Variants in SLC6A2 observed in about 807,000 individuals in gnomAD.
SLC6A2 encodes the protein solute carrier family 6 member 2.
Under a neutral mutation model 71.7 loss-of-function variants are expected in SLC6A2, and 26 were observed. That is an observed-to-expected ratio of 0.36 (90% CI 0.27 to 0.50). SLC6A2 has a LOEUF of 0.50. Among genes scored for constraint, SLC6A2 ranks in the 20% least tolerant of loss-of-function variants. The probability of loss-of-function intolerance (pLI) is 0.96; values close to 1 mark genes in which losing one functional copy is unlikely to be tolerated. For missense variants in SLC6A2, 581 were observed against 803.9 expected, an observed-to-expected ratio of 0.72 and a Z score of 3.35; for synonymous variants, 363 against 337.9, an observed-to-expected ratio of 1.07 and a Z score of -0.82.
intron 4 of SLC6A2, among the ~76,000 whole-genome samples, chr16:55,679,273 G>A (rs1462780428): frequency 1.3e-5 from 2 of 151,124 alleles, no homozygotes; most frequent in South Asian, 2.1e-4. Flanking sequence ...TGTCACCCAG[G>A]CTGGAGGGCA....
chr16:55,658,856 A>C (rs1183459444), intron 2 of SLC6A2, among the ~76,000 whole-genome samples: 1 of 152,100 alleles, frequency 6.6e-6, no homozygotes, highest in Non-Finnish European at 1.5e-5. Context: ...AGAAAAGGAG[A>C]AGCTAATCCA....
Position 55,702,514 on chromosome 16 carries a change from C to T in SLC6A2, c.*168C>T. On this transcript the variant is annotated 3_prime_UTR_variant, in exon 15 of 15. Transcript: ENST00000568943. ...TGATTTCGTGACTGTAGTTTTTGTT[C>T]ACCTTCTGTGCATCTGGCCTGGGGG... is the stretch of plus-strand genomic sequence containing the variant. 2 of 1,523,480 alleles carry T rather than the reference C, an allele frequency of 1.3e-6. No individual in the cohort carries two copies. Among genetic ancestry groups the T allele is most frequent in the Non-Finnish European group, 1.8e-6 (2 of 1,132,714 alleles). 94.4% of individuals were successfully genotyped at this position (1,523,480 alleles called of 1,614,324 possible).
chr16:55,702,589 C>G lies in SLC6A2; in HGVS notation c.*243C>G. The G allele has an allele frequency of 7.0e-7, 1 of 1,419,190 alleles. No individual in the cohort carries two copies. Among genetic ancestry groups the G allele is most frequent in the Non-Finnish European group, 9.2e-7 (1 of 1,087,604 alleles). 87.9% of individuals were successfully genotyped at this position (1,419,190 alleles called of 1,614,324 possible). A position where few individuals can be genotyped will look rare whatever the true frequency, so the allele number is the denominator to read the frequency against. The stretch of plus-strand genomic sequence containing the variant: ...AACAGGAAAATGACTTCTGTTCTGT[C>G]CCCGCTGTTTTGGGGGAAGTCTCTC... On this transcript the variant is annotated 3_prime_UTR_variant, in exon 15 of 15. Transcript: ENST00000568943.
At position 55,666,132 on chromosome 16, in the gene SLC6A2, C is replaced by T. The variant is rs145649245; in HGVS notation, c.275-3433C>T. Among the ~76,000 whole-genome samples, 1,074 of 152,344 alleles carry T rather than the reference C, an allele frequency of 7.0e-3. 10 individuals are homozygous for T. Among genetic ancestry groups the T allele is most frequent in the Non-Finnish European group, 8.3e-3 (565 of 68,030 alleles). On this transcript the variant is annotated intron_variant, in intron 2 of 14. Transcript: ENST00000568943. ...GTTTTTCCAGGTCTGCCCTCACCAG[C>T]CCAGCACCCATGCAGCCAGGGCATT...
Position 55,679,997 on chromosome 16 carries a change from T to C in SLC6A2, c.645-5146T>C, listed in dbSNP as rs188040820. Among the ~76,000 whole-genome samples the C allele has an allele frequency of 1.9e-4, 29 of 152,314 alleles. No individual in the cohort carries two copies. In the South Asian group the frequency reaches 2.7e-3, roughly 14 times the overall value. On this transcript the variant is annotated intron_variant, in intron 4 of 14. Transcript: ENST00000568943. ...GCATCCCTGGCCTCTACCCTCTAGATACCAGCAGCATCTCCCTCCTCTCCA... is the reference window on the plus strand; with the variant it reads ...GCATCCCTGGCCTCTACCCTCTAGACACCAGCAGCATCTCCCTCCTCTCCA...
At chr16:55,666,101 G>C (rs1200562785) in intron 2 of SLC6A2, among the ~76,000 whole-genome samples, 2 of 152,202 alleles carry the variant, frequency 1.3e-5, no homozygotes, top group African/African-American at 4.8e-5. Flanking sequence ...GGCATGCCCT[G>C]CCTGTGTTTT....
intron 10 of SLC6A2, 92 bp from the exon 11 acceptor site, chr16:55,698,377 G>T: frequency 1.1e-6 from 1 of 913,200 alleles, no homozygotes; most frequent in Non-Finnish European, 1.8e-6. Flanking sequence ...CGAGCAAGTG[G>T]GACAGGGGGC....
intron 2 of SLC6A2, among the ~76,000 whole-genome samples, chr16:55,664,743 C>T (rs1252682068): frequency 6.6e-6 from 1 of 152,202 alleles, no homozygotes; most frequent in Non-Finnish European, 1.5e-5. Context: ...AGACAAGTCA[C>T]ATAGCTACAC....
chr16:55,690,527 C>T (rs11649052), intron 5 of SLC6A2, among the ~76,000 whole-genome samples: 26,352 of 152,046 alleles, frequency 0.17, 2,606 homozygotes, highest in African/African-American at 0.26. Flanking sequence ...GGGGTGGAAC[C>T]ATCTGGCATT....
rs201774381 is a variant in SLC6A2 at position 55,702,747 on chromosome 16, C to CCCAAGAAAA, written c.*401_*402insCCAAGAAAA. 1.3e-6 allele frequency: 1 copy of CCCAAGAAAA among 780,430 alleles called. No individual in the cohort carries two copies. Among genetic ancestry groups the CCCAAGAAAA allele is most frequent in the African/African-American group, 2.4e-5 (1 of 42,032 alleles). 48.3% of individuals were successfully genotyped at this position (780,430 alleles called of 1,614,324 possible). On this transcript the variant is annotated 3_prime_UTR_variant, in exon 15 of 15. Coordinates refer to ENST00000568943, the MANE Select transcript of SLC6A2 (RefSeq NM_001172501.3). The stretch of plus-strand genomic sequence containing the variant: ...TGGGCTTTTGATCAGATACCCCTCC[C>CCCAAGAAAA]AAAAAAAAAAAAAACTAAAACTAAA...
At position 55,656,970 on chromosome 16, in the gene SLC6A2, T is replaced by A; in HGVS notation, c.274+2T>A. 6.2e-7 allele frequency: 1 copy of A among 1,612,974 alleles called. No individual in the cohort carries two copies. Among genetic ancestry groups the A allele is most frequent in the Non-Finnish European group, 8.5e-7 (1 of 1,179,554 alleles). ...ACCTCTGCTACAAGAACGGCGGCGGTGAGCGTGGGGTCGGGCTGGGAATTT... is the reference window on the plus strand; with the variant it reads ...ACCTCTGCTACAAGAACGGCGGCGGAGAGCGTGGGGTCGGGCTGGGAATTT... On this transcript the variant is annotated splice_donor_variant, in intron 2 of 14. Coordinates refer to ENST00000568943, the MANE Select transcript of SLC6A2 (RefSeq NM_001172501.3). LOFTEE classifies it high-confidence loss of function. The surrounding 1 kb of genome is among the most constrained non-coding windows in gnomAD (Gnocchi z 4.5).
At chr16:55,659,257 G>A (rs1964545098) in intron 2 of SLC6A2, among the ~76,000 whole-genome samples, 1 of 152,112 alleles carries the variant, frequency 6.6e-6, no homozygotes, top group Admixed American at 6.5e-5. Flanking sequence ...CTATGTGTTT[G>A]TTGAAACTAA....
chr16:55,692,076 C>A lies in SLC6A2; in HGVS notation c.918+24C>A, dbSNP rs572634583. ...CGGTCAGTGCTCAGTGACCACCAAGCCTTGGGCCAGGCTTGTGGGAGGGTT... is the reference window on the plus strand; with the variant it reads ...CGGTCAGTGCTCAGTGACCACCAAGACTTGGGCCAGGCTTGTGGGAGGGTT... On this transcript the variant is annotated intron_variant, in intron 6 of 14. Transcript: ENST00000568943. 150 of 1,613,974 alleles carry A rather than the reference C, an allele frequency of 9.3e-5. 1 individual carries two copies. In the East Asian group the frequency reaches 2.3e-3, roughly 24 times the overall value.
intron 2 of SLC6A2, among the ~76,000 whole-genome samples, chr16:55,660,664 C>A (rs1470742867): frequency 1.3e-5 from 2 of 150,926 alleles, no homozygotes; most frequent in Non-Finnish European, 3.0e-5. Flanking sequence ...CATAGTACAG[C>A]CCCTCTCTGA....
At chr16:55,669,790 C>T in intron 3 of SLC6A2, 94 bp downstream of exon 3, 3 of 1,383,960 alleles carry the variant, frequency 2.2e-6, no homozygotes, top group Non-Finnish European at 3.1e-6. Flanking sequence ...TAAGGTAGAC[C>T]TCCTGTCATG....
At chr16:55,688,383 C>T (rs1416766903) in intron 5 of SLC6A2, among the ~76,000 whole-genome samples, 1 of 152,208 alleles carries the variant, frequency 6.6e-6, no homozygotes, top group African/African-American at 2.4e-5. Flanking sequence ...GAGGCATAGA[C>T]TAAAATGTTT....
At chr16:55,676,723 C>T (rs1201382774) in intron 4 of SLC6A2, among the ~76,000 whole-genome samples, 1 of 152,186 alleles carries the variant, frequency 6.6e-6, no homozygotes, top group East Asian at 1.9e-4. Flanking sequence ...GTTCAAAGCA[C>T]CCTTTCTATA....
intron 5 of SLC6A2, among the ~76,000 whole-genome samples, chr16:55,690,053 T>TCATC (rs748486956): frequency 3.8e-4 from 58 of 152,166 alleles, no homozygotes; most frequent in Middle Eastern, 3.4e-3. Flanking sequence ...ACCCACTCAT[T>TCATC]CATCCATCCA....
At chr16:55,673,821 C>A (rs756400564) in intron 4 of SLC6A2, among the ~76,000 whole-genome samples, 13 of 152,210 alleles carry the variant, frequency 8.5e-5, no homozygotes, top group African/African-American at 1.4e-4. Flanking sequence ...TTTGGCCTCC[C>A]AAAGTGCTGG....
Sources: gnomAD v4.1 joint callset for allele counts (sites outside exome capture counted in the v4.1 genomes callset) on GRCh38, gnomAD v4.1.1 for gene constraint, Gnocchi (gnomAD v3.1) non-coding constraint, MANE v1.5 for transcripts, NCBI Gene and HGNC (gene_info 2026-07-23, HGNC 2026-07-21) for gene names.